The following CSMD1 variants were observed in gnomAD, a reference collection of about 807,000 sequenced individuals.
The protein encoded by CSMD1 is CUB and sushi domain-containing protein 1.
Under a neutral mutation model 417.5 loss-of-function variants are expected in CSMD1, and 213 were observed. That is an observed-to-expected ratio of 0.51 (90% confidence interval 0.46 to 0.57). The LOEUF (loss-of-function observed/expected upper bound fraction) is 0.57, where lower values mean the gene tolerates loss of function less well. Ranked by LOEUF, CSMD1 falls within the 20% of genes least tolerant of loss-of-function variation. The probability of loss-of-function intolerance (pLI) is 0.00; values close to 1 mark genes in which losing one functional copy is unlikely to be tolerated. For synonymous variants in CSMD1, 2,862 were observed against 1,736.8 expected (o/e 1.65, Z -16.11); for missense variants, 6,923 against 4,529.7 (o/e 1.53, Z -15.17).
chr8:2,974,069 G>GAGGATGATGGTAT, intron 56 of CSMD1, among the ~76,000 whole-genome samples: 1 of 127,822 alleles, frequency 7.8e-6, no homozygotes, highest in Non-Finnish European at 1.7e-5. Flanking sequence ...GATGGTGGTA[G>GAGGATGATGGTAT]AGGATGATGG....
At chr8:3,979,359 G>A (rs912880643) in intron 5 of CSMD1, among the ~76,000 whole-genome samples, 1 of 152,192 alleles carries the variant, frequency 6.6e-6, no homozygotes, top group Non-Finnish European at 1.5e-5. Flanking sequence ...AGGCATGAGA[G>A]AATGACTAAG....
Position 4,766,613 on chromosome 8 carries a change from T to C in CSMD1, c.86-129055A>G, listed in dbSNP as rs565402345. Among the ~76,000 whole-genome samples the C allele has an allele frequency of 2.6e-5, 4 of 152,306 alleles. No individual in the cohort carries two copies. In the East Asian group the frequency reaches 7.7e-4, roughly 29 times the overall value. ...GGGCATTTATTGCGTGTTTACTGAA[T>C]GAAAAAGCAACAAAATCAATTAATA... On this transcript the variant is annotated intron_variant, in intron 1 of 69. Transcript: ENST00000635120.
intron 1 of CSMD1, among the ~76,000 whole-genome samples, chr8:4,768,359 C>A (rs982131765): frequency 2.6e-4 from 40 of 152,066 alleles, no homozygotes; most frequent in African/African-American, 9.4e-4. Context: ...AAGACAAGTC[C>A]ATCAAAGCTT....
Position 3,582,716 on chromosome 8 carries a change from T to C in CSMD1, c.1222+3420A>G, listed in dbSNP as rs930696812. Among the ~76,000 whole-genome samples, 107 of 152,298 alleles carry C rather than the reference T, an allele frequency of 7.0e-4. 1 individual carries two copies. The highest frequency in any genetic ancestry group is 6.9e-3 in the Admixed American group (105 of 15,298). On this transcript the variant is annotated intron_variant, in intron 9 of 69. Coordinates refer to ENST00000635120, the MANE Select transcript of CSMD1 (RefSeq NM_033225.6). ...TATGAAAAAAAGAAAATATATAAAA[T>C]ATCTCATTATCATATTTGTATTAAC...
intron 41 of CSMD1, among the ~76,000 whole-genome samples, chr8:3,124,113 T>C (rs1817362813): frequency 6.6e-6 from 1 of 152,066 alleles, no homozygotes; most frequent in Non-Finnish European, 1.5e-5. Context: ...CTTTTCTCAA[T>C]GGCAACAAAA....
intron 3 of CSMD1, among the ~76,000 whole-genome samples, chr8:4,326,630 T>A (rs1010257383): frequency 6.6e-6 from 1 of 151,958 alleles, no homozygotes; most frequent in Non-Finnish European, 1.5e-5. Flanking sequence ...TCAGAACATA[T>A]AGGATAAAAG....
At chr8:3,440,260 C>T (rs945357593) in intron 12 of CSMD1, among the ~76,000 whole-genome samples, 1 of 152,162 alleles carries the variant, frequency 6.6e-6, no homozygotes, top group Non-Finnish European at 1.5e-5. Flanking sequence ...GATCTTTACT[C>T]TGAGTGTCCC....
chr8:3,639,706 A>C lies in CSMD1; in HGVS notation c.1010-22909T>G, dbSNP rs181284643. ...ACCCTAAGGCACTACGTAAACATCA[A>C]CATCTTTGATTTCTCAATGATTTTT... On this transcript the variant is annotated intron_variant, in intron 7 of 69. Transcript: ENST00000635120. Among the ~76,000 whole-genome samples, 304 of 152,370 alleles carry C rather than the reference A, an allele frequency of 2.0e-3. 2 individuals are homozygous for C. The highest frequency in any genetic ancestry group is 7.1e-3 in the African/African-American group (296 of 41,592).
chr8:4,597,302 T>C (rs879636526), intron 2 of CSMD1, among the ~76,000 whole-genome samples: 5 of 152,166 alleles, frequency 3.3e-5, no homozygotes, highest in Non-Finnish European at 7.3e-5. Context: ...TATTAACTTA[T>C]AAGATCCTTA....
intron 3 of CSMD1, among the ~76,000 whole-genome samples, chr8:4,143,186 T>C (rs1158915913): frequency 6.6e-6 from 1 of 151,120 alleles, no homozygotes; most frequent in African/African-American, 2.5e-5. Flanking sequence ...AACAGGTAAG[T>C]GCTGAGAATG....
At chr8:3,203,368 G>T (rs1018877972) in intron 31 of CSMD1, among the ~76,000 whole-genome samples, 11 of 152,116 alleles carry the variant, frequency 7.2e-5, no homozygotes, top group African/African-American at 2.7e-4. Flanking sequence ...AGAGAGAAAA[G>T]CTGTTCACTG....
intron 11 of CSMD1, among the ~76,000 whole-genome samples, chr8:3,490,265 T>A (rs767254085): frequency 3.3e-5 from 5 of 152,190 alleles, no homozygotes; most frequent in Non-Finnish European, 7.3e-5. Flanking sequence ...GCTGTTTAGT[T>A]TTTCATTTAC....
intron 7 of CSMD1, among the ~76,000 whole-genome samples, 165 bp downstream of exon 7, chr8:3,708,249 T>C (rs76990884): frequency 0.026 from 3,981 of 152,196 alleles, 166 homozygotes; most frequent in African/African-American, 0.09. Context: ...CGTAACAAAG[T>C]GAAGTTAGTG....
At chr8:4,187,713 C>T (rs560615923) in intron 3 of CSMD1, among the ~76,000 whole-genome samples, 1 of 138,546 alleles carries the variant, frequency 7.2e-6, no homozygotes, top group Non-Finnish European at 1.5e-5. Flanking sequence ...GAAGTTTATT[C>T]TAGTTAGTGT....
intron 8 of CSMD1, 126 bp downstream of exon 8, chr8:3,616,584 A>T: frequency 1.5e-6 from 1 of 649,264 alleles, no homozygotes; most frequent in Non-Finnish European, 2.7e-6. Context: ...ACACACATTT[A>T]GAGTTAATGA....
intron 2 of CSMD1, among the ~76,000 whole-genome samples, chr8:4,583,457 G>C (rs960624432): frequency 6.6e-6 from 1 of 151,508 alleles, no homozygotes; most frequent in Non-Finnish European, 1.5e-5. Flanking sequence ...GTATCTAGCT[G>C]CTCTGATGGG....
At chr8:4,590,612 C>G (rs1223572612) in intron 2 of CSMD1, among the ~76,000 whole-genome samples, 1 of 151,948 alleles carries the variant, frequency 6.6e-6, no homozygotes, top group Non-Finnish European at 1.5e-5. Flanking sequence ...AAAATGTATA[C>G]TGTTAATATA....
chr8:4,796,562 G>A (rs2117260481), intron 1 of CSMD1, among the ~76,000 whole-genome samples: 1 of 151,556 alleles, frequency 6.6e-6, no homozygotes, highest in East Asian at 2.0e-4. Flanking sequence ...GAGCACCCCT[G>A]TCTCCCACTC....
chr8:4,214,159 G>C (rs1042250081), intron 3 of CSMD1, among the ~76,000 whole-genome samples: 1 of 152,072 alleles, frequency 6.6e-6, no homozygotes, highest in African/African-American at 2.4e-5. Flanking sequence ...TCTCTACTTT[G>C]TATTTTAATT....
Sources: allele counts gnomAD v4.1 joint callset (sites outside exome capture counted in the v4.1 genomes callset), GRCh38; gene constraint gnomAD v4.1.1; transcripts MANE v1.5; gene names NCBI Gene and HGNC (gene_info 2026-07-23, HGNC 2026-07-21).